ATP10B: variants seen among roughly 807,000 people sequenced by gnomAD.
ATP10B encodes ATPase phospholipid transporting 10B (putative), also known as phospholipid-transporting ATPase VB.
Under a neutral mutation model 141.2 loss-of-function variants are expected in ATP10B, and 122 were observed. The ratio of observed to expected loss-of-function variants is 0.86; its 90% CI spans 0.75 to 1.00. The LOEUF is 1.00. Among genes scored for constraint, ATP10B ranks in the 50% least tolerant of loss-of-function variants. The probability of loss-of-function intolerance (pLI) is 0.00; values close to 1 mark genes in which losing one functional copy is unlikely to be tolerated. For synonymous variants in ATP10B, 685 were observed against 692.0 expected (o/e 0.99, Z 0.16); for missense variants, 1,876 against 1,825.3 (o/e 1.03, Z -0.51).
intron 22 of ATP10B, among the ~76,000 whole-genome samples, chr5:160,594,837 A>T (rs2127616973): frequency 6.6e-6 from 1 of 152,298 alleles, no homozygotes; most frequent in South Asian, 2.1e-4. Flanking sequence ...AAGAAGAGCT[A>T]ACTAACTATC....
chr5:160,884,452 T>C, the ATP10B span, among the ~76,000 whole-genome samples: 2 of 152,178 alleles, frequency 1.3e-5, no homozygotes, highest in African/African-American at 4.8e-5. Context: ...CATATTTATG[T>C]CTATAGTGAT....
chr5:160,678,747 C>CT (rs1384465051), intron 6 of ATP10B, among the ~76,000 whole-genome samples: 2 of 152,172 alleles, frequency 1.3e-5, no homozygotes, highest in Non-Finnish European at 2.9e-5. Flanking sequence ...CCACATGACC[C>CT]TGGGAGTCAG....
chr5:160,664,794 T>C (rs936231460), intron 7 of ATP10B, among the ~76,000 whole-genome samples: 5 of 152,190 alleles, frequency 3.3e-5, no homozygotes, highest in African/African-American at 9.6e-5. Context: ...GGAAAATAGA[T>C]AGCCAGGGAC....
intron 3 of ATP10B, chr5:160,692,955 T>G (rs1764155102): frequency 6.6e-6 from 1 of 152,200 alleles, no homozygotes; most frequent in Admixed American, 6.5e-5. Context: ...GGCTATAGTA[T>G]CACAAATATT....
At chr5:160,638,337 ACTTT>A (rs1351998717) in intron 10 of ATP10B, among the ~76,000 whole-genome samples, 1 of 151,978 alleles carries the variant, frequency 6.6e-6, no homozygotes, top group African/African-American at 2.4e-5. Flanking sequence ...TTAATCATTA[ACTTT>A]CTTTTTCTGG....
At position 160,603,967 on chromosome 5, in the gene ATP10B, G is replaced by C. The variant is rs754224371; in HGVS notation, c.3235C>G (p.Gln1079Glu). ...GIGISGQEGMQAVMSSDFAIT... is the reference protein window; with the variant it reads ...GIGISGQEGMEAVMSSDFAIT... ...AGAATAGTTGCAGAGAACAATACCT[G>C]CATGCCTTCCTGTCCAGATATTCCA... Residue 1079 changes from glutamine to glutamate, a missense_variant and splice_region_variant, in exon 20 of 26, where the codon CAG becomes GAG. By Grantham distance (29) the Gln-to-Glu change is conservative. Transcript: ENST00000327245. 2 of 1,612,378 alleles carry C rather than the reference G, an allele frequency of 1.2e-6. No homozygotes were observed. The highest frequency in any genetic ancestry group is 1.7e-6 in the Non-Finnish European group (2 of 1,178,630).
chr5:160,867,040 T>C, the ATP10B span, among the ~76,000 whole-genome samples: 1 of 152,118 alleles, frequency 6.6e-6, no homozygotes, highest in African/African-American at 2.4e-5. Context: ...ATGTCCTAGT[T>C]CCATCATGTA....
At chr5:160,673,169 T>C (rs1474022652) in intron 6 of ATP10B, among the ~76,000 whole-genome samples, 2 of 152,198 alleles carry the variant, frequency 1.3e-5, no homozygotes, top group East Asian at 3.8e-4. Flanking sequence ...GTCTGTAGCA[T>C]TTTAGTAATA....
intron 1 of ATP10B, among the ~76,000 whole-genome samples, chr5:160,815,179 G>T (rs918062102): frequency 6.6e-6 from 1 of 152,110 alleles, no homozygotes; most frequent in Non-Finnish European, 1.5e-5. Flanking sequence ...CCAATTAAAA[G>T]ACACAGACTG....
the ATP10B span, among the ~76,000 whole-genome samples, chr5:160,874,168 C>T: frequency 2.0e-5 from 3 of 152,196 alleles, no homozygotes; most frequent in African/African-American, 7.2e-5. Flanking sequence ...GTGGTTCTCC[C>T]AGCACGCAGC....
rs767947177 is a variant in ATP10B, at chr5:160,620,859, T to G, written c.1904A>C (p.Gln635Pro). Residue 635 changes from glutamine (Q) to proline (P), a missense_variant, in exon 15 of 26, where the codon CAG becomes CCG. Gln to Pro is a moderately conservative substitution (Grantham distance 76). Coordinates refer to ENST00000327245, the MANE Select transcript of ATP10B (RefSeq NM_025153.3). ...AGAGGGTGCAGTGGATGAGAATGAC[T>G]GGCTGAGGCTCAATAGCTTCAACTT... ...FQKLKLLSLSQSFSSTAPSDT... is the reference protein window; with the variant it reads ...FQKLKLLSLSPSFSSTAPSDT... 6 of 1,614,108 alleles carry G rather than the reference T, an allele frequency of 3.7e-6. No homozygotes were observed. Among genetic ancestry groups the G allele is most frequent in the Non-Finnish European group, 4.2e-6 (5 of 1,180,046 alleles).
At chr5:160,628,870 C>T (rs1327852612) in intron 13 of ATP10B, among the ~76,000 whole-genome samples, 2 of 152,096 alleles carry the variant, frequency 1.3e-5, no homozygotes, top group African/African-American at 2.4e-5. Flanking sequence ...ATTACCCCCA[C>T]CTTAAAGCCA....
Position 160,752,936 on chromosome 5 carries a change from C to T in ATP10B, c.-331+32623G>A, listed in dbSNP as rs1181491638. ...TTTACTAGCTTCATTTTTTAACCTA[C>T]ACCCATCAGTTCCTCTTACTTTCTG... On this transcript the variant is annotated intron_variant, in intron 2 of 25. Transcript: ENST00000327245. Among the ~76,000 whole-genome samples, 8 of 152,352 alleles carry T rather than the reference C, an allele frequency of 5.3e-5. No individual in the cohort carries two copies. In the South Asian group the frequency reaches 1.0e-3, roughly 20 times the overall value.
chr5:160,797,541 A>G (rs1037025312), intron 1 of ATP10B, among the ~76,000 whole-genome samples: 1 of 152,108 alleles, frequency 6.6e-6, no homozygotes, highest in Non-Finnish European at 1.5e-5. Flanking sequence ...GCTATATTTT[A>G]TATATTCCAT....
chr5:160,877,795 AG>A, the ATP10B span, among the ~76,000 whole-genome samples: 1 of 121,508 alleles, frequency 8.2e-6, no homozygotes, highest in African/African-American at 2.6e-5. Context: ...ATTGCTTCAA[AG>A]AGAATAAAAT....
intron 2 of ATP10B, among the ~76,000 whole-genome samples, chr5:160,721,389 G>T (rs1581413847): frequency 6.6e-6 from 1 of 152,078 alleles, no homozygotes; most frequent in East Asian, 1.9e-4. Context: ...TAGGCCCCAG[G>T]CCATTGTCAC....
chr5:160,634,559 G>T lies in ATP10B; in HGVS notation c.1176C>A (p.Leu392=), dbSNP rs200231138. ...SLYVSIELVK[L]GQVFFLSNDL... is the part of the protein sequence containing the mutation. ...CATTGCTCAAGAAGAACACTTGCCC[G>T]AGCTTCACCAGCTCAATGGAGACAT... The change falls in exon 12 of 26, where the codon CTC becomes CTA. Residue 392 remains leucine (L), a synonymous_variant. Coordinates refer to ENST00000327245, the MANE Select transcript of ATP10B (RefSeq NM_025153.3). The T allele has an allele frequency of 5.6e-5, 90 of 1,614,014 alleles. No individual in the cohort carries two copies. In the South Asian group the frequency reaches 8.3e-4, roughly 15 times the overall value.
intron 16 of ATP10B, 82 bp downstream of exon 16, chr5:160,617,782 T>G: frequency 4.0e-6 from 5 of 1,238,200 alleles, no homozygotes; most frequent in Non-Finnish European, 5.9e-6. Context: ...TCTAAGGGTC[T>G]TTTATAAAGA....
rs1199141160 is a variant in ATP10B, at chr5:160,644,154, G to A, written c.852C>T (p.Gly284=). 1 of 1,613,800 alleles carries A rather than the reference G, an allele frequency of 6.2e-7. No homozygotes were observed. The highest frequency in any genetic ancestry group is 8.5e-7 in the Non-Finnish European group (1 of 1,179,748). Residue 284 remains glycine, a synonymous_variant, in exon 9 of 26, where the codon GGC becomes GGT. Transcript: ENST00000327245. ...CTIRNTEMAV[G]IVIYAGHETK... ...GACAATGACCTGCATAGATGACAAT[G>A]CCAACAGCCATCTCGGTGTTTCTGA...
Sources: allele counts gnomAD v4.1 joint callset (sites outside exome capture counted in the v4.1 genomes callset), GRCh38; gene constraint gnomAD v4.1.1; transcripts MANE v1.5; gene names NCBI Gene and HGNC (gene_info 2026-07-23, HGNC 2026-07-21).